Variants in AAK1 observed in about 807,000 individuals in gnomAD.
The protein encoded by AAK1 is AP2-associated protein kinase 1.
A neutral mutation model predicts 116.0 loss-of-function variants in AAK1; 37 were observed. That is an observed-to-expected ratio of 0.32 (90% confidence interval 0.25 to 0.42). The LOEUF is 0.42. Among genes scored for constraint, AAK1 ranks in the 10% least tolerant of loss-of-function variants. The pLI is 1.00. For synonymous variants in AAK1, 458 were observed against 439.9 expected (o/e 1.04, Z -0.51); for missense variants, 919 against 1,170.6 (o/e 0.79, Z 3.14).
chr2:69,572,171 G>C (rs897414583), intron 2 of AAK1, among the ~76,000 whole-genome samples: 1 of 152,268 alleles, frequency 6.6e-6, no homozygotes, highest in East Asian at 1.9e-4. Flanking sequence ...CTAGGGTGAG[G>C]GGAGTGAGGC....
intron 17 of AAK1, among the ~76,000 whole-genome samples, chr2:69,488,471 T>A (rs1252481603): frequency 6.6e-6 from 1 of 152,210 alleles, no homozygotes; most frequent in African/African-American, 2.4e-5. Flanking sequence ...TTAAGTTGCC[T>A]GATTTTTCTA....
intron 2 of AAK1, among the ~76,000 whole-genome samples, chr2:69,631,235 C>A (rs1197297052): frequency 6.6e-6 from 1 of 152,138 alleles, no homozygotes; most frequent in East Asian, 1.9e-4. Context: ...ACCAAAAGGA[C>A]AATAATCTTT....
chr2:69,523,660 C>T (rs866467688), intron 10 of AAK1, among the ~76,000 whole-genome samples: 3 of 152,190 alleles, frequency 2.0e-5, no homozygotes, highest in Non-Finnish European at 4.4e-5. Context: ...CTTTGTAGAC[C>T]TTCATCTACA....
chr2:69,579,499 G>A (rs1672455840), intron 2 of AAK1, among the ~76,000 whole-genome samples: 1 of 152,152 alleles, frequency 6.6e-6, no homozygotes, highest in African/African-American at 2.4e-5. Context: ...GGATTGCTTG[G>A]GCCCGGGAGG....
At chr2:69,598,415 C>A in intron 2 of AAK1, 1 of 287,740 alleles carries the variant, frequency 3.5e-6, no homozygotes, top group South Asian at 7.8e-5. Context: ...AATGATGAGT[C>A]ATGTAAAACC....
At chr2:69,553,530 G>A (rs182126505) in intron 3 of AAK1, among the ~76,000 whole-genome samples, 4 of 129,012 alleles carry the variant, frequency 3.1e-5, no homozygotes, top group African/African-American at 9.0e-5. Flanking sequence ...TGTAACCTCC[G>A]CCTTCTGGGT....
intron 20 of AAK1, among the ~76,000 whole-genome samples, chr2:69,477,504 A>G (rs927814938): frequency 4.6e-5 from 7 of 152,160 alleles, no homozygotes; most frequent in African/African-American, 1.7e-4. Context: ...AAGACACTGA[A>G]ACAACTCAGA....
In AAK1 at chr2:69,476,905, A is replaced by C. The variant is rs751114157; in HGVS notation, c.2766T>G (p.Pro922=). Residue 922 remains proline (P), a synonymous_variant, in exon 21 of 22, where the codon CCT becomes CCG. Transcript: ENST00000409085. The part of the protein sequence containing the change: ...KVAEDEFDPI[P]VLITKNPQGG... ...CTTGTGGGTTTTTGGTTATCAATACAGGAATAGGGTCAAACTCATCTTCAG... is the reference window on the plus strand; with the variant it reads ...CTTGTGGGTTTTTGGTTATCAATACCGGAATAGGGTCAAACTCATCTTCAG... 1.2e-6 allele frequency: 2 copies of C among 1,613,652 alleles called. No individual in the cohort carries two copies. The highest frequency in any genetic ancestry group is 1.7e-6 in the Non-Finnish European group (2 of 1,179,744).
intron 2 of AAK1, among the ~76,000 whole-genome samples, chr2:69,640,144 A>C (rs1360277772): frequency 6.6e-6 from 1 of 151,510 alleles, no homozygotes; most frequent in Non-Finnish European, 1.5e-5. Flanking sequence ...CATTTATTGA[A>C]CACCTGAAAA....
At chr2:69,531,821 T>C (rs1670270686) in intron 6 of AAK1, 2 of 1,256,866 alleles carry the variant, frequency 1.6e-6, no homozygotes, top group South Asian at 1.7e-5. Flanking sequence ...ACTGATAAAG[T>C]GCTCTAAGAG....
chr2:69,480,685 G>A (rs1291075725), intron 19 of AAK1, among the ~76,000 whole-genome samples, 175 bp downstream of exon 19: 1 of 151,910 alleles, frequency 6.6e-6, no homozygotes, highest in East Asian at 1.9e-4. Context: ...CTTTAGCAAG[G>A]AAATATATCA....
intron 2 of AAK1, among the ~76,000 whole-genome samples, chr2:69,627,391 G>A (rs973007823): frequency 2.6e-5 from 4 of 152,060 alleles, no homozygotes; most frequent in African/African-American, 9.7e-5. Flanking sequence ...GCTGATACAT[G>A]CTACACGGTG....
At chr2:69,574,395 A>G (rs1267500155) in intron 2 of AAK1, among the ~76,000 whole-genome samples, 1 of 150,976 alleles carries the variant, frequency 6.6e-6, no homozygotes, top group African/African-American at 2.4e-5. Flanking sequence ...AAAAAAAAAA[A>G]AAAAGAGAAG....
At chr2:69,510,381 C>G (rs1399867062) in intron 13 of AAK1, among the ~76,000 whole-genome samples, 1 of 152,162 alleles carries the variant, frequency 6.6e-6, no homozygotes, top group East Asian at 1.9e-4. Context: ...CTCCATCCTC[C>G]TTCTTTTTTA....
chr2:69,603,654 A>G (rs1379023790), intron 2 of AAK1, among the ~76,000 whole-genome samples: 1 of 152,208 alleles, frequency 6.6e-6, no homozygotes, highest in Admixed American at 6.5e-5. Context: ...AGGGTAAAAA[A>G]TAAAAAATTT....
intron 2 of AAK1, among the ~76,000 whole-genome samples, chr2:69,635,335 A>C (rs1675399036): frequency 6.6e-6 from 1 of 152,264 alleles, no homozygotes; most frequent in Non-Finnish European, 1.5e-5. Flanking sequence ...ACCTTTGTGC[A>C]CTGTTGATGG....
intron 12 of AAK1, chr2:69,516,755 G>C (rs1301851531): frequency 6.6e-6 from 1 of 152,218 alleles, no homozygotes; most frequent in Non-Finnish European, 1.5e-5. Context: ...CAATATGCCA[G>C]GCATGGTGGT....
Position 69,530,691 on chromosome 2 carries a change from G to T in AAK1, c.672C>A (p.Ser224=), listed in dbSNP as rs745534190. ...GGTTGACCATTTCTGGTGCTCGATAGGACAGCGTTGTGTATCTACAATCAA... is the reference window on the plus strand; with the variant it reads ...GGTTGACCATTTCTGGTGCTCGATATGACAGCGTTGTGTATCTACAATCAA... ...EDEIKKYTTL[S]YRAPEMVNLY... is the part of the protein sequence containing the mutation. Residue 224 remains serine (S), a synonymous_variant, in exon 7 of 22, where the codon TCC becomes TCA. Transcript: ENST00000409085. 1 of 1,612,818 alleles carries T rather than the reference G, an allele frequency of 6.2e-7. No homozygotes were observed. The highest frequency in any genetic ancestry group is 1.3e-5 in the African/African-American group (1 of 74,876).
At chr2:69,585,782 G>A (rs570881918) in intron 2 of AAK1, among the ~76,000 whole-genome samples, 11 of 152,194 alleles carry the variant, frequency 7.2e-5, no homozygotes, top group African/African-American at 2.6e-4. Context: ...TAGTTTCCAG[G>A]GTTTGATTTC....
Sources: allele counts gnomAD v4.1 joint callset (sites outside exome capture counted in the v4.1 genomes callset), GRCh38; gene constraint gnomAD v4.1.1; transcripts MANE v1.5; gene names NCBI Gene and HGNC (gene_info 2026-07-23, HGNC 2026-07-21).